The following MGAT4C variants were observed in gnomAD, a reference collection of about 807,000 sequenced individuals.
The protein encoded by MGAT4C is MGAT4 family member C, also known as alpha-1,3-mannosyl-glycoprotein 4-beta-N-acetylglucosaminyltransferase C.
Under a neutral mutation model 40.1 loss-of-function variants are expected in MGAT4C, and 19 were observed. That is an observed-to-expected ratio of 0.47 (90% CI 0.33 to 0.70). The LOEUF (loss-of-function observed/expected upper bound fraction) is 0.70. Among genes scored for constraint, MGAT4C ranks in the 30% least tolerant of loss-of-function variants. MGAT4C has a pLI of 0.02. For synonymous variants in MGAT4C, 181 were observed against 187.1 expected (o/e 0.97, Z 0.27); for missense variants, 491 against 563.2 (o/e 0.87, Z 1.30).
intron 1 of MGAT4C, among the ~76,000 whole-genome samples, chr12:86,090,185 T>C (rs949866315): frequency 1.3e-5 from 2 of 151,686 alleles, no homozygotes; most frequent in African/African-American, 4.8e-5. Flanking sequence ...TAAGGAATTA[T>C]CTGTTTATGT....
At chr12:86,356,315 T>C (rs75703086) in intron 3 of MGAT4C, among the ~76,000 whole-genome samples, 3,074 of 152,260 alleles carry the variant, frequency 0.02, 85 homozygotes, top group African/African-American at 0.07. Context: ...ACCGTATCAA[T>C]AATTACATTA....
chr12:86,712,865 A>T (rs966985434), intron 2 of MGAT4C, among the ~76,000 whole-genome samples: 1 of 152,018 alleles, frequency 6.6e-6, no homozygotes, highest in Admixed American at 6.6e-5. Flanking sequence ...CCCAATACCT[A>T]TCGATTTATA....
intron 1 of MGAT4C, among the ~76,000 whole-genome samples, chr12:86,131,054 A>T (rs528563886): frequency 6.6e-6 from 1 of 152,094 alleles, no homozygotes; most frequent in Non-Finnish European, 1.5e-5. Context: ...TAGTGAAAAC[A>T]TCTCTCAAGT....
chr12:86,634,513 A>G (rs944281878), intron 2 of MGAT4C, among the ~76,000 whole-genome samples: 13 of 152,126 alleles, frequency 8.5e-5, no homozygotes, highest in African/African-American at 2.9e-4. Context: ...GGGTTTCACA[A>G]GGCAATTGTT....
At chr12:86,502,766 T>C (rs556459520) in intron 2 of MGAT4C, among the ~76,000 whole-genome samples, 41 of 65,128 alleles carry the variant, frequency 6.3e-4, no homozygotes, top group African/African-American at 2.2e-3. Flanking sequence ...TGCTCATATA[T>C]ATGTATACAC....
chr12:86,509,463 A>G (rs148613768), intron 2 of MGAT4C, among the ~76,000 whole-genome samples: 4,167 of 152,108 alleles, frequency 0.027, 157 homozygotes, highest in African/African-American at 0.087. Flanking sequence ...ACTTACTGTA[A>G]CCTTGTAGTA....
chr12:86,495,086 T>C (rs966793005), intron 2 of MGAT4C, among the ~76,000 whole-genome samples: 5 of 152,120 alleles, frequency 3.3e-5, no homozygotes, highest in African/African-American at 1.2e-4. Flanking sequence ...AAAGTTACTC[T>C]TAACCACTGC....
chr12:86,374,598 T>C lies in MGAT4C; in HGVS notation c.-119-40471A>G, dbSNP rs181582783. On this transcript the variant is annotated intron_variant, in intron 3 of 7. Coordinates refer to the MGAT4C transcript ENST00000548651. ...CATCTTACAAGATGTTTACAATTTA[T>C]TCCATTTTTAAAAATGAGAAAATTA... 1.4e-3 allele frequency among the ~76,000 whole-genome samples: 210 copies of C among 152,270 alleles called. 1 individual carries two copies. Among genetic ancestry groups the C allele is most frequent in the African/African-American group, 4.8e-3 (198 of 41,584 alleles).
At chr12:86,127,084 C>A (rs1880404456) in intron 1 of MGAT4C, among the ~76,000 whole-genome samples, 2 of 152,152 alleles carry the variant, frequency 1.3e-5, no homozygotes, top group African/African-American at 4.8e-5. Context: ...TGCTTACTAG[C>A]TGGCGGCTCA....
At chr12:86,375,188 A>T (rs909837465) in intron 3 of MGAT4C, among the ~76,000 whole-genome samples, 2 of 152,158 alleles carry the variant, frequency 1.3e-5, no homozygotes, top group Non-Finnish European at 2.9e-5. Context: ...CTCCTTTTTC[A>T]AGCAGTTTTG....
At chr12:86,072,026 T>TTGTGTGTGTGTGTGTGTG (rs71076158) in intron 1 of MGAT4C, among the ~76,000 whole-genome samples, 2 of 148,956 alleles carry the variant, frequency 1.3e-5, no homozygotes, top group African/African-American at 5.0e-5. Context: ...GCATAGGGTT[T>TTGTGTGTGTGTGTGTGTG]TGTGTGTGTG....
At chr12:86,559,724 T>C (rs1288397586) in intron 2 of MGAT4C, among the ~76,000 whole-genome samples, 3 of 151,864 alleles carry the variant, frequency 2.0e-5, no homozygotes, top group Non-Finnish European at 4.4e-5. Flanking sequence ...AACAATCTAA[T>C]GATGTATCTC....
chr12:86,009,047 TC>T (rs1888191631), intron 2 of MGAT4C, among the ~76,000 whole-genome samples: 1 of 152,136 alleles, frequency 6.6e-6, no homozygotes, highest in Admixed American at 6.6e-5. Flanking sequence ...TTTTTTATTT[TC>T]CAATATTGTT....
Position 86,661,887 on chromosome 12 carries a change from C to T in MGAT4C, c.-229+65322G>A, listed in dbSNP as rs571411386. 8.6e-5 allele frequency among the ~76,000 whole-genome samples: 13 copies of T among 151,916 alleles called. No individual in the cohort carries two copies. In the South Asian group the frequency reaches 1.0e-3, roughly 12 times the overall value. Reference sequence around the variant, plus strand: ...CTGGGAGGTGTAGGTTGTAGTGAGCCGAGATTGTCACTGTGCTCCAGCCAG... The same window carrying T: ...CTGGGAGGTGTAGGTTGTAGTGAGCTGAGATTGTCACTGTGCTCCAGCCAG... On this transcript the variant is annotated intron_variant, in intron 2 of 7. Transcript: ENST00000548651.
chr12:86,119,984 T>C (rs1158351555), intron 1 of MGAT4C, among the ~76,000 whole-genome samples: 1 of 151,824 alleles, frequency 6.6e-6, no homozygotes, highest in Admixed American at 6.6e-5. Context: ...ATATCATGAA[T>C]TAAATTGCTC....
intron 2 of MGAT4C, among the ~76,000 whole-genome samples, chr12:86,623,506 G>T (rs1289783348): frequency 6.6e-6 from 1 of 152,062 alleles, no homozygotes; most frequent in Admixed American, 6.6e-5. Flanking sequence ...TGGAAACAAT[G>T]CAAGTTGAAA....
intron 1 of MGAT4C, among the ~76,000 whole-genome samples, chr12:86,095,607 T>C (rs891045451): frequency 6.6e-6 from 1 of 151,742 alleles, no homozygotes; most frequent in Admixed American, 6.6e-5. Context: ...TTAGCTTTCC[T>C]TTTCTTTTTG....
intron 2 of MGAT4C, among the ~76,000 whole-genome samples, chr12:86,512,084 G>C (rs1242816563): frequency 1.3e-5 from 2 of 151,848 alleles, no homozygotes; most frequent in East Asian, 1.9e-4. Context: ...AACAAAAAAA[G>C]TACACTATTA....
At chr12:86,816,546 G>A (rs1179556664) in intron 1 of MGAT4C, among the ~76,000 whole-genome samples, 1 of 151,568 alleles carries the variant, frequency 6.6e-6, no homozygotes, top group African/African-American at 2.4e-5. Flanking sequence ...TTACGTACCA[G>A]CAAAATTAAG....
Sources: gnomAD v4.1 joint callset for allele counts (sites outside exome capture counted in the v4.1 genomes callset) on GRCh38, gnomAD v4.1.1 for gene constraint, MANE v1.5 for transcripts, NCBI Gene and HGNC (gene_info 2026-07-23, HGNC 2026-07-21) for gene names.